The following DSCAM variants were observed in gnomAD, a reference collection of about 807,000 sequenced individuals.
DSCAM encodes the protein DS cell adhesion molecule.
In DSCAM, 47 loss-of-function variants were observed where a neutral mutation model predicts 217.7. The ratio of observed to expected loss-of-function variants is 0.22; its 90% CI spans 0.17 to 0.28. The LOEUF (loss-of-function observed/expected upper bound fraction) is 0.28, where lower values mean the gene tolerates loss of function less well. Among genes scored for constraint, DSCAM ranks in the 10% least tolerant of loss-of-function variants. DSCAM has a pLI of 1.00. For synonymous variants in DSCAM, 1,056 were observed against 1,015.3 expected, an observed-to-expected ratio of 1.04 and a Z score of -0.76; for missense variants, 2,080 against 2,618.3, an observed-to-expected ratio of 0.79 and a Z score of 4.49.
chr21:40,621,213 A>G (rs1325339916), intron 3 of DSCAM: 1 of 152,210 alleles, frequency 6.6e-6, no homozygotes, highest in African/African-American at 2.4e-5. Context: ...TTACATGTAA[A>G]TTATATCTTT....
chr21:40,724,551 C>CA lies in DSCAM; in HGVS notation c.44-15781dup, dbSNP rs974480148. 5.4e-4 allele frequency among the ~76,000 whole-genome samples: 82 copies of CA among 151,742 alleles called. 1 individual carries two copies. Among genetic ancestry groups the CA allele is most frequent in the Non-Finnish European group, 7.7e-4 (52 of 67,874 alleles). ...AAAACATGGCAATGTGAAATAGCAA[C>CA]AAAAAAACAGTGAAGCAACAATAAA... On this transcript the variant is annotated intron_variant, in intron 1 of 32. Transcript: ENST00000400454.
chr21:40,141,496 A>G (rs1427774338), intron 18 of DSCAM, among the ~76,000 whole-genome samples: 2 of 152,148 alleles, frequency 1.3e-5, no homozygotes, highest in African/African-American at 4.8e-5. Context: ...CACGCCTGCA[A>G]TCCTAGCTAC....
intron 4 of DSCAM, among the ~76,000 whole-genome samples, chr21:40,366,985 C>G (rs2074839652): frequency 6.6e-6 from 1 of 152,226 alleles, no homozygotes; most frequent in African/African-American, 2.4e-5. Context: ...GTATTCTACT[C>G]TGGCTCAATT....
In DSCAM at chr21:40,264,661, T is replaced by A. The variant is rs144500039; in HGVS notation, c.2356+11436A>T. Among the ~76,000 whole-genome samples the A allele has an allele frequency of 7.1e-3, 1,086 of 152,214 alleles. 14 individuals are homozygous for A. Among genetic ancestry groups the A allele is most frequent in the African/African-American group, 0.025 (1,046 of 41,542 alleles). On this transcript the variant is annotated intron_variant, in intron 11 of 32. Coordinates refer to ENST00000400454, the MANE Select transcript of DSCAM (RefSeq NM_001389.5). ...ACTGAAGCAAGACAACGATGCCCAC[T>A]TTCCCCACTTCCATTCATCATAATA...
chr21:40,678,750 A>G (rs1218724285), intron 3 of DSCAM, among the ~76,000 whole-genome samples: 1 of 152,208 alleles, frequency 6.6e-6, no homozygotes, highest in Non-Finnish European at 1.5e-5. Context: ...TGGCAGGTTG[A>G]CACTCTGTGC....
chr21:40,617,313 A>T (rs1352645096), intron 3 of DSCAM, among the ~76,000 whole-genome samples: 3 of 151,596 alleles, frequency 2.0e-5, no homozygotes, highest in Admixed American at 1.3e-4. Context: ...TTTAGTAGAG[A>T]CGGGGTTTCA....
intron 11 of DSCAM, among the ~76,000 whole-genome samples, chr21:40,256,412 GAGAGAGAGAGAC>G (rs2073371698): frequency 1.3e-5 from 2 of 151,504 alleles, no homozygotes; most frequent in East Asian, 3.9e-4. Flanking sequence ...GACAGAGAGA[GAGAGAGAGAGAC>G]AGAGAGAGAG....
At chr21:40,766,691 A>AAAAAAT (rs1555887014) in intron 1 of DSCAM, among the ~76,000 whole-genome samples, 1 of 65,872 alleles carries the variant, frequency 1.5e-5, no homozygotes, top group African/African-American at 7.3e-5. Context: ...AAAAAAAACA[A>AAAAAAT]CTTTTTTTTT....
chr21:40,348,443 C>T (rs1258083851), intron 5 of DSCAM, among the ~76,000 whole-genome samples: 2 of 152,240 alleles, frequency 1.3e-5, no homozygotes, highest in African/African-American at 2.4e-5. Flanking sequence ...CAATCATACC[C>T]CATACGGTTC....
At chr21:40,104,896 T>A (rs952598100) in intron 20 of DSCAM, among the ~76,000 whole-genome samples, 1 of 152,192 alleles carries the variant, frequency 6.6e-6, no homozygotes, top group African/African-American at 2.4e-5. Context: ...CATTTTAGCC[T>A]GTGGATAATC....
intron 8 of DSCAM, among the ~76,000 whole-genome samples, chr21:40,328,989 C>G (rs2074347128): frequency 6.6e-6 from 1 of 151,782 alleles, no homozygotes; most frequent in Non-Finnish European, 1.5e-5. Context: ...GTTAGAATGG[C>G]TATTATAAAA....
At chr21:40,693,370 C>T (rs1019121379) in intron 2 of DSCAM, among the ~76,000 whole-genome samples, 11 of 152,158 alleles carry the variant, frequency 7.2e-5, no homozygotes, top group Admixed American at 3.3e-4. Context: ...GAGGTTGAGG[C>T]TGCAGTGAGC....
chr21:40,381,668 G>T (rs2075027138), intron 3 of DSCAM, among the ~76,000 whole-genome samples: 1 of 152,196 alleles, frequency 6.6e-6, no homozygotes, highest in Non-Finnish European at 1.5e-5. Context: ...GATGGCATAG[G>T]ATTATGGGAA....
At chr21:40,718,119 A>C (rs2090861951) in intron 1 of DSCAM, among the ~76,000 whole-genome samples, 1 of 152,254 alleles carries the variant, frequency 6.6e-6, no homozygotes, top group Admixed American at 6.5e-5. Context: ...AATTGCTTGC[A>C]TACCCAGTTG....
At chr21:40,481,136 T>C (rs2075978431) in intron 3 of DSCAM, among the ~76,000 whole-genome samples, 1 of 152,068 alleles carries the variant, frequency 6.6e-6, no homozygotes, top group African/African-American at 2.4e-5. Context: ...TTCAAAACTA[T>C]TAAATTCATT....
chr21:40,674,580 T>C (rs951808296), intron 3 of DSCAM, among the ~76,000 whole-genome samples: 3 of 152,126 alleles, frequency 2.0e-5, no homozygotes, highest in African/African-American at 7.2e-5. Flanking sequence ...TGGATTGTTT[T>C]GAAGTAAATC....
chr21:40,800,620 T>A (rs563022454), intron 1 of DSCAM, among the ~76,000 whole-genome samples: 1 of 152,236 alleles, frequency 6.6e-6, no homozygotes, highest in Non-Finnish European at 1.5e-5. Flanking sequence ...GGTTGAAGCG[T>A]GTCCCTGCCC....
chr21:40,413,602 C>G (rs531361739), intron 3 of DSCAM, among the ~76,000 whole-genome samples: 52 of 152,294 alleles, frequency 3.4e-4, no homozygotes, highest in African/African-American at 1.2e-3. Context: ...AGGATATTGA[C>G]AAACTAATTA....
At chr21:40,563,320 A>G (rs148460200) in intron 3 of DSCAM, among the ~76,000 whole-genome samples, 1 of 151,856 alleles carries the variant, frequency 6.6e-6, no homozygotes, top group East Asian at 2.0e-4. Context: ...CTACTAACAC[A>G]TCATAGAGAA....
Sources: allele counts gnomAD v4.1 joint callset (sites outside exome capture counted in the v4.1 genomes callset), GRCh38; gene constraint gnomAD v4.1.1; transcripts MANE v1.5; gene names NCBI Gene and HGNC (gene_info 2026-07-23, HGNC 2026-07-21).